Variants in MUC3A observed in about 807,000 individuals in gnomAD.
The protein encoded by MUC3A is mucin-3A.
In MUC3A, 109 loss-of-function variants were observed where a neutral mutation model predicts 109.0. That is an observed-to-expected ratio of 1.00 (90% CI 0.86 to 1.17). The LOEUF (loss-of-function observed/expected upper bound fraction) is 1.17, where lower values mean the gene tolerates loss of function less well. MUC3A is among the 50% of genes most tolerant of loss of function. The pLI is 0.00. For missense variants in MUC3A, 3,537 were observed against 2,469.4 expected (o/e 1.43, Z -9.16); for synonymous variants, 1,398 against 981.4 (o/e 1.42, Z -7.93).
intron 3 of MUC3A, 45 bp downstream of exon 3, chr7:100,960,982 G>A (rs1157869773): frequency 3.8e-6 from 6 of 1,598,196 alleles, no homozygotes; most frequent in African/African-American, 1.3e-5. Flanking sequence ...CCCACAGGGT[G>A]TCACTGACTC....
At chr7:100,966,269 A>ACCCCCCAGCTTGCCCTAGGGTGGACC in intron 8 of MUC3A, 117 bp from the exon 9 acceptor site, 2 of 984,746 alleles carry the variant, frequency 2.0e-6, no homozygotes, top group Non-Finnish European at 2.6e-6. Flanking sequence ...CTAGGGTGGA[A>ACCCCCCAGCTTGCCCTAGGGTGGACC]CCCCCCGCTG....
intron 4 of MUC3A, 60 bp from the exon 5 acceptor site, chr7:100,963,628 G>C: frequency 1.3e-6 from 2 of 1,597,568 alleles, no homozygotes; most frequent in Non-Finnish European, 1.7e-6. Flanking sequence ...GGGGTTGGGC[G>C]TCTGGGTCCC....
chr7:100,960,426 C>A lies in MUC3A; in HGVS notation c.8647C>A (p.Leu2883Ile), dbSNP rs769785450. 3 of 1,598,574 alleles carry A rather than the reference C, an allele frequency of 1.9e-6. No homozygotes were observed. Among genetic ancestry groups the A allele is most frequent in the African/African-American group, 2.7e-5 (2 of 75,086 alleles). The change falls in exon 2 of 12, where the codon CTT becomes ATT. Residue 2883 changes from leucine (L) to isoleucine (I), a missense_variant. Transcript: ENST00000379458. ...CAACAGTTCTGTGATCCCCCTACCT[C>A]TTCCTGGCGTCTCTACCATCCCGCT... ...LSNSSVIPLP[L>I]PGVSTIPLTM...
At position 100,967,936 on chromosome 7, in the gene MUC3A, A is replaced by T. The variant is rs1792680646; in HGVS notation, c.*774A>T. The T allele has an allele frequency of 1.3e-5, 2 of 156,704 alleles. No individual in the cohort carries two copies. Among genetic ancestry groups the T allele is most frequent in the African/African-American group, 4.8e-5 (2 of 41,424 alleles). 9.7% of individuals were successfully genotyped at this position (156,704 alleles called of 1,614,324 possible). On this transcript the variant is annotated 3_prime_UTR_variant, in exon 12 of 12. Transcript: ENST00000379458. ...TATCTTCTCCCTTCTGAGCCCGTCC[A>T]TTCATCGGTTCTGCCCCCGACTCCC...
Position 100,958,010 on chromosome 7 carries a change from T to C in MUC3A, c.6231T>C (p.Thr2077=), listed in dbSNP as rs1792147092. 2 of 894,078 alleles carry C rather than the reference T, an allele frequency of 2.2e-6. No individual in the cohort carries two copies. The highest frequency in any genetic ancestry group is 3.7e-6 in the Non-Finnish European group (2 of 535,568). The allele number at this position is 894,078 out of a possible 1,614,324, so 55.4% of individuals were successfully genotyped here. The change falls in exon 2 of 12, where the codon ACT becomes ACC. Residue 2077 remains threonine (T), a synonymous_variant. Transcript: ENST00000379458. ...EITSHSTLSY[T]TSITTTETPS... is the part of the protein sequence containing the mutation. The stretch of plus-strand genomic sequence containing the variant: ...CCTCACACAGTACTCTCAGCTACAC[T>C]ACCTCAATCACCACCACCGAGACCC...
chr7:100,960,941 A>T lies in MUC3A; in HGVS notation c.9052+4A>T. 1 of 1,598,532 alleles carries T rather than the reference A, an allele frequency of 6.3e-7. No homozygotes were observed. The highest frequency in any genetic ancestry group is 8.5e-7 in the Non-Finnish European group (1 of 1,179,812). ...GCTGTGGAACAGGTGGATCTAGGTG[A>T]GTTGCCAGAGCTATGCCTTCTGCAC... On this transcript the variant is annotated splice_donor_region_variant and intron_variant, in intron 3 of 11. Coordinates refer to ENST00000379458, the MANE Select transcript of MUC3A (RefSeq NM_005960.2).
intron 8 of MUC3A, 149 bp from the exon 9 acceptor site, chr7:100,966,237 G>GGGTGGAGACCCGTCCGCTTGTTATAC: frequency 1.5e-6 from 1 of 663,564 alleles, no homozygotes; most frequent in Non-Finnish European, 2.1e-6. Flanking sequence ...CCTCGTTCTA[G>GGGTGGAGACCCGTCCGCTTGTTATAC]GGTGGATTCC....
Position 100,966,957 on chromosome 7 carries a change from G to C in MUC3A, c.9930+6G>C. 1 of 1,598,552 alleles carries C rather than the reference G, an allele frequency of 6.3e-7. No homozygotes were observed. ...ACGTGGACACCACTATGAAGGTGAGGGGCTAAAGAGGGGGACCCCAAGGAA... is the reference window on the plus strand; with the variant it reads ...ACGTGGACACCACTATGAAGGTGAGCGGCTAAAGAGGGGGACCCCAAGGAA... On this transcript the variant is annotated splice_donor_region_variant and intron_variant, in intron 11 of 11. Coordinates refer to ENST00000379458, the MANE Select transcript of MUC3A (RefSeq NM_005960.2).
At position 100,965,728 on chromosome 7, in the gene MUC3A, C is replaced by G; in HGVS notation, c.9473C>G (p.Thr3158Arg). The G allele has an allele frequency of 6.3e-7, 1 of 1,597,920 alleles. No individual in the cohort carries two copies. Among genetic ancestry groups the G allele is most frequent in the Non-Finnish European group, 8.5e-7 (1 of 1,179,466 alleles). Residue 3158 changes from threonine (T) to arginine (R), a missense_variant, in exon 8 of 12, where the codon ACG becomes AGG. Thr to Arg is a moderately conservative substitution (Grantham distance 71). Coordinates refer to ENST00000379458, the MANE Select transcript of MUC3A (RefSeq NM_005960.2). ...PAAICRRAAP[T>R]GYEEFYFPLV... ...GCCATCTGCCGCCGCGCCGCTCCCA[C>G]GGGCTATGAAGAGTTCTACTTCCCC...
rs2116156782 is a variant in MUC3A at position 100,952,169 on chromosome 7, T to C, written c.390T>C (p.Tyr130=). The C allele has an allele frequency of 6.3e-7, 1 of 1,598,524 alleles. No individual in the cohort carries two copies. Among genetic ancestry groups the C allele is most frequent in the East Asian group, 2.2e-5 (1 of 44,892 alleles). Residue 130 remains tyrosine (Y), a synonymous_variant, in exon 2 of 12, where the codon TAT becomes TAC. Coordinates refer to ENST00000379458, the MANE Select transcript of MUC3A (RefSeq NM_005960.2). ...ATTCAGCCACCACTGAGTGCGTGTA[T>C]CCAACGAGCTTTATAATCACCATCT... is the stretch of plus-strand genomic sequence containing the variant. The part of the protein sequence containing the change: ...LVYSATTECV[Y]PTSFIITISH...
chr7:100,958,120 T>A lies in MUC3A; in HGVS notation c.6341T>A (p.Ile2114Asn). ...SHSTPSFTSS[I>N]TTSEMPSHST... ...AGTACTCCCAGCTTCACTTCCTCAATCACCACCTCTGAGATGCCCTCACAC... is the reference window on the plus strand; with the variant it reads ...AGTACTCCCAGCTTCACTTCCTCAAACACCACCTCTGAGATGCCCTCACAC... Residue 2114 changes from isoleucine (I) to asparagine (N), a missense_variant, in exon 2 of 12, where the codon ATC becomes AAC. Transcript: ENST00000379458. 1 of 1,350,872 alleles carries A rather than the reference T, an allele frequency of 7.4e-7. No individual in the cohort carries two copies. Among genetic ancestry groups the A allele is most frequent in the Admixed American group, 1.7e-5 (1 of 58,752 alleles). 83.7% of individuals were successfully genotyped at this position (1,350,872 alleles called of 1,614,324 possible).
chr7:100,966,237 G>GGGTGGAGACCCGTCCGCTTGTTGTAT, intron 8 of MUC3A, 149 bp from the exon 9 acceptor site: 1 of 663,566 alleles, frequency 1.5e-6, no homozygotes, highest in Non-Finnish European at 2.1e-6. Flanking sequence ...CCTCGTTCTA[G>GGGTGGAGACCCGTCCGCTTGTTGTAT]GGTGGATTCC....
intron 8 of MUC3A, 109 bp downstream of exon 8, chr7:100,965,975 C>A: frequency 2.1e-6 from 3 of 1,445,660 alleles, no homozygotes; most frequent in East Asian, 2.5e-5. Flanking sequence ...TACAGTGGAG[C>A]CTCGTCCCCA....
intron 7 of MUC3A, 86 bp from the exon 8 acceptor site, chr7:100,965,618 G>C (rs1792505776): frequency 7.2e-6 from 11 of 1,533,730 alleles, no homozygotes; most frequent in Non-Finnish European, 9.6e-6. Flanking sequence ...AATCCTCCTC[G>C]CGCATATTCA....
chr7:100,959,762 A>G lies in MUC3A; in HGVS notation c.7983A>G (p.Glu2661=), dbSNP rs961103823. Residue 2661 remains glutamate (E), a synonymous_variant, in exon 2 of 12, where the codon GAA becomes GAG. Transcript: ENST00000379458. The stretch of plus-strand genomic sequence containing the variant: ...CATCTACAAGTGAGTTCACTACAGA[A>G]TCTTTCACTAGGGGAAGTACGTCTA... ...SLTSTSEFTT[E]SFTRGSTSTN... 2 of 1,598,162 alleles carry G rather than the reference A, an allele frequency of 1.3e-6. No individual in the cohort carries two copies. Among genetic ancestry groups the G allele is most frequent in the Non-Finnish European group, 1.7e-6 (2 of 1,179,652 alleles).
chr7:100,963,795 G>C, intron 5 of MUC3A, 43 bp downstream of exon 5: 12 of 1,597,576 alleles, frequency 7.5e-6, no homozygotes, highest in Non-Finnish European at 1.0e-5. Flanking sequence ...GTTGGGTGGG[G>C]GAAATGTGCG....
chr7:100,949,674 C>A lies in MUC3A; in HGVS notation c.50C>A (p.Pro17Gln). The change falls in exon 1 of 12, where the codon CCG (proline) becomes CAG (glutamine). Residue 17 changes from proline (P) to glutamine (Q), a missense_variant. Coordinates refer to ENST00000379458, the MANE Select transcript of MUC3A (RefSeq NM_005960.2). ...LGLLWMLKAS[P>Q]WATGTLSTAT... ...CTCCTCTGGATGCTCAAGGCCTCCC[C>A]GTGGGCCACAGGTAAGGGGGAGAGG... The A allele has an allele frequency of 6.4e-7, 1 of 1,552,054 alleles. No homozygotes were observed. Among genetic ancestry groups the A allele is most frequent in the Non-Finnish European group, 8.6e-7 (1 of 1,156,340 alleles).
chr7:100,966,559 G>A lies in MUC3A; in HGVS notation c.9785G>A (p.Arg3262Gln), dbSNP rs776172302. Residue 3262 changes from arginine (R) to glutamine (Q), a missense_variant and splice_region_variant, in exon 9 of 12, where the codon CGG becomes CAG. Coordinates refer to ENST00000379458, the MANE Select transcript of MUC3A (RefSeq NM_005960.2). Reference sequence around the variant, plus strand: ...TGGTGGGGCGGCCAGCGCCGAGGCCGGTGAGCGTGCGGGGGGCGGGGCCGG... The same window carrying A: ...TGGTGGGGCGGCCAGCGCCGAGGCCAGTGAGCGTGCGGGGGGCGGGGCCGG... ...SGWWGGQRRG[R>Q]SWDQDRKWFE... 11 of 1,461,228 alleles carry A rather than the reference G, an allele frequency of 7.5e-6. No individual in the cohort carries two copies. Among genetic ancestry groups the A allele is most frequent in the Non-Finnish European group, 8.1e-6 (9 of 1,117,596 alleles). The allele number at this position is 1,461,228 out of a possible 1,614,324, so 90.5% of individuals were successfully genotyped here. A position where few individuals can be genotyped will look rare whatever the true frequency, so the allele number is the denominator to read the frequency against.
Position 100,956,188 on chromosome 7 carries a change from G to A in MUC3A, c.4409G>A (p.Ser1470Asn). ...ACCGCCTACCCTAGTTCTCCCACAA[G>A]CACTGTCACAGAGTCCACAACTGAA... is the stretch of plus-strand genomic sequence containing the variant. ...SETAYPSSPT[S>N]TVTESTTEIT... is the part of the protein sequence containing the mutation. The change falls in exon 2 of 12, where the codon AGC (serine) becomes AAC (asparagine). Residue 1470 changes from serine to asparagine, a missense_variant. Transcript: ENST00000379458. 1 of 443,400 alleles carries A rather than the reference G, an allele frequency of 2.3e-6. No individual in the cohort carries two copies. Among genetic ancestry groups the A allele is most frequent in the East Asian group, 3.5e-5 (1 of 28,734 alleles). The allele number at this position is 443,400 out of a possible 1,614,324, so 27.5% of individuals were successfully genotyped here. A position where few individuals can be genotyped will look rare whatever the true frequency, so the allele number is the denominator to read the frequency against.
Sources: gnomAD v4.1 joint callset for allele counts on GRCh38, gnomAD v4.1.1 for gene constraint, MANE v1.5 for transcripts, NCBI Gene and HGNC (gene_info 2026-07-23, HGNC 2026-07-21) for gene names.